GALNTL6: variants seen among roughly 807,000 people sequenced by gnomAD.
The protein encoded by GALNTL6 is polypeptide N-acetylgalactosaminyltransferase-like 6.
Under a neutral mutation model 73.7 loss-of-function variants are expected in GALNTL6, and 46 were observed. That is an observed-to-expected ratio of 0.62 (90% CI 0.49 to 0.80). GALNTL6 has a LOEUF of 0.80. GALNTL6 is among the 30% of genes least tolerant of loss of function. GALNTL6 has a pLI of 0.00. For missense variants in GALNTL6, 604 were observed against 755.0 expected, an observed-to-expected ratio of 0.80 and a Z score of 2.34; for synonymous variants, 259 against 263.7, an observed-to-expected ratio of 0.98 and a Z score of 0.17.
chr4:172,699,980 T>C (rs1733935786), intron 5 of GALNTL6, among the ~76,000 whole-genome samples: 1 of 152,112 alleles, frequency 6.6e-6, no homozygotes, highest in Non-Finnish European at 1.5e-5. Flanking sequence ...TGTAGCAGAT[T>C]ACTGAGAAAA....
intron 7 of GALNTL6, among the ~76,000 whole-genome samples, chr4:172,855,821 A>G (rs1188398315): frequency 6.6e-6 from 1 of 152,040 alleles, no homozygotes; most frequent in Non-Finnish European, 1.5e-5. Flanking sequence ...AGTGATGAGG[A>G]TTCTGTGTTG....
chr4:172,727,944 G>T (rs939278876), intron 5 of GALNTL6, among the ~76,000 whole-genome samples: 1 of 150,910 alleles, frequency 6.6e-6, no homozygotes, highest in East Asian at 1.9e-4. Flanking sequence ...ACAGAGTCTC[G>T]CTGTATCACC....
intron 2 of GALNTL6, among the ~76,000 whole-genome samples, chr4:171,859,434 G>C (rs935479253): frequency 1.3e-5 from 2 of 151,926 alleles, no homozygotes; most frequent in African/African-American, 4.8e-5. Flanking sequence ...ATGTCCCCTT[G>C]AGTCCCTTCA....
At chr4:172,921,266 A>G (rs1747775038) in intron 8 of GALNTL6, among the ~76,000 whole-genome samples, 1 of 152,166 alleles carries the variant, frequency 6.6e-6, no homozygotes, top group Non-Finnish European at 1.5e-5. Context: ...TATTTCCATA[A>G]AGTGTATTAT....
In GALNTL6 at chr4:172,451,586, G is replaced by A. The variant is rs1215205606; in HGVS notation, c.553+102897G>A. On this transcript the variant is annotated intron_variant, in intron 5 of 12. Coordinates refer to ENST00000506823, the MANE Select transcript of GALNTL6 (RefSeq NM_001034845.3). Reference sequence around the variant, plus strand: ...TCTGACTTCTTCAGCTTATACAGATGCAAGATGGGTCAGTGATGCCTATAG... The same window carrying A: ...TCTGACTTCTTCAGCTTATACAGATACAAGATGGGTCAGTGATGCCTATAG... Among the ~76,000 whole-genome samples, 3 of 152,178 alleles carry A rather than the reference G, an allele frequency of 2.0e-5. No homozygotes were observed. In the East Asian group the frequency reaches 5.8e-4, roughly 29 times the overall value.
chr4:172,352,255 G>T (rs1741968581), intron 5 of GALNTL6, among the ~76,000 whole-genome samples: 2 of 152,092 alleles, frequency 1.3e-5, no homozygotes, highest in Non-Finnish European at 2.9e-5. Context: ...ATTCCATCTT[G>T]CAGTTCTCAG....
chr4:172,311,842 T>C lies in GALNTL6; in HGVS notation c.386+90T>C, dbSNP rs576518622. ...TTTAAATGTGTATCACTGCGAGATA[T>C]GTAACCAAATATTTTATCCTAATAA... On this transcript the variant is annotated intron_variant, in intron 4 of 12. Transcript: ENST00000506823. 85 of 809,368 alleles carry C rather than the reference T, an allele frequency of 1.1e-4. No homozygotes were observed. The African/African-American group carries it at 1.2e-3, about 11-fold the overall frequency. The allele number at this position is 809,368 out of a possible 1,614,324, so 50.1% of individuals were successfully genotyped here. A position where few individuals can be genotyped will look rare whatever the true frequency, so the allele number is the denominator to read the frequency against.
intron 2 of GALNTL6, among the ~76,000 whole-genome samples, chr4:171,892,308 A>T (rs1736784395): frequency 6.6e-6 from 1 of 152,144 alleles, no homozygotes; most frequent in African/African-American, 2.4e-5. Context: ...GAGGATGGGG[A>T]AAGATGGTTC....
At chr4:173,029,594 G>A (rs1753374409) in intron 12 of GALNTL6, among the ~76,000 whole-genome samples, 1 of 152,160 alleles carries the variant, frequency 6.6e-6, no homozygotes, top group African/African-American at 2.4e-5. Context: ...CAATGTCTCT[G>A]TTAATTTAGC....
chr4:171,908,522 A>G (rs542131307), intron 2 of GALNTL6, among the ~76,000 whole-genome samples: 78 of 152,242 alleles, frequency 5.1e-4, no homozygotes, highest in African/African-American at 1.9e-3. Context: ...GTGGAGAAAT[A>G]GGAACACTTT....
intron 2 of GALNTL6, among the ~76,000 whole-genome samples, chr4:171,961,381 T>C (rs1272353736): frequency 6.6e-6 from 1 of 152,066 alleles, no homozygotes; most frequent in Non-Finnish European, 1.5e-5. Context: ...GAGAAGAATT[T>C]ACCCAACTCA....
chr4:172,425,636 A>G (rs1269013534), intron 5 of GALNTL6, among the ~76,000 whole-genome samples: 1 of 152,096 alleles, frequency 6.6e-6, no homozygotes, highest in Non-Finnish European at 1.5e-5. Flanking sequence ...ATAGTACCCT[A>G]GAAATCCTAG....
At chr4:172,857,970 G>A (rs1266516090) in intron 7 of GALNTL6, among the ~76,000 whole-genome samples, 1 of 152,156 alleles carries the variant, frequency 6.6e-6, no homozygotes, top group Admixed American at 6.5e-5. Context: ...TAAACATGGA[G>A]TTCACTTAAT....
At chr4:172,387,557 T>A (rs879296767) in intron 5 of GALNTL6, among the ~76,000 whole-genome samples, 5 of 152,140 alleles carry the variant, frequency 3.3e-5, no homozygotes, top group Admixed American at 3.3e-4. Flanking sequence ...TCTTGCTGCT[T>A]TCTATCTTCT....
chr4:172,938,148 C>G (rs1748720898), intron 9 of GALNTL6, among the ~76,000 whole-genome samples: 1 of 152,112 alleles, frequency 6.6e-6, no homozygotes, highest in Admixed American at 6.6e-5. Flanking sequence ...CCTCTGTAAG[C>G]TGTGAAACGA....
chr4:172,452,461 G>A (rs1274840985), intron 5 of GALNTL6, among the ~76,000 whole-genome samples: 1 of 151,974 alleles, frequency 6.6e-6, no homozygotes, highest in African/African-American at 2.4e-5. Context: ...TCAGTGCTCT[G>A]TACTCTAAGA....
At chr4:171,916,223 T>G (rs1009176046) in intron 2 of GALNTL6, among the ~76,000 whole-genome samples, 1 of 152,060 alleles carries the variant, frequency 6.6e-6, no homozygotes, top group African/African-American at 2.4e-5. Flanking sequence ...ATTACTTAGT[T>G]TTGGGATCTA....
intron 7 of GALNTL6, among the ~76,000 whole-genome samples, chr4:172,840,805 C>T (rs559793157): frequency 5.3e-5 from 8 of 152,314 alleles, no homozygotes; most frequent in African/African-American, 1.9e-4. Context: ...GGACTTGCTA[C>T]CCCAGCTGCT....
At chr4:171,927,862 G>A (rs765193860) in intron 2 of GALNTL6, among the ~76,000 whole-genome samples, 1 of 152,122 alleles carries the variant, frequency 6.6e-6, no homozygotes, top group Non-Finnish European at 1.5e-5. Flanking sequence ...AAATGCCACA[G>A]TCACACAAAG....
Sources: gnomAD v4.1 joint callset for allele counts (sites outside exome capture counted in the v4.1 genomes callset) on GRCh38, gnomAD v4.1.1 for gene constraint, MANE v1.5 for transcripts, NCBI Gene and HGNC (gene_info 2026-07-23, HGNC 2026-07-21) for gene names.